AXL: variants seen among roughly 807,000 people sequenced by gnomAD.
AXL encodes the protein tyrosine-protein kinase receptor UFO.
A neutral mutation model predicts 104.5 loss-of-function variants in AXL; 52 were observed. The ratio of observed to expected loss-of-function variants is 0.50; its 90% CI spans 0.40 to 0.63. The LOEUF (loss-of-function observed/expected upper bound fraction) is 0.63. Among genes scored for constraint, AXL ranks in the 20% least tolerant of loss-of-function variants. The pLI, the probability that AXL is intolerant of heterozygous loss-of-function variation, is 0.00. For missense variants in AXL, 1,024 were observed against 1,188.5 expected (o/e 0.86, Z 2.04); for synonymous variants, 455 against 473.7 (o/e 0.96, Z 0.51).
intron 6 of AXL, among the ~76,000 whole-genome samples, chr19:41,233,503 C>T (rs1051047128): frequency 1.3e-5 from 2 of 151,614 alleles, no homozygotes; most frequent in African/African-American, 4.8e-5. Context: ...TGGTGGCACA[C>T]ACCTGTAGTC....
In AXL at chr19:41,238,619, G is replaced by T. The variant is rs374108324; in HGVS notation, c.1134+10G>T. The T allele has an allele frequency of 6.2e-6, 10 of 1,600,832 alleles. No individual in the cohort carries two copies. Among genetic ancestry groups the T allele is most frequent in the Non-Finnish European group, 8.5e-6 (10 of 1,170,764 alleles). ...CCAGGACACCCCAGAGGTGGGTGCTGCTGGTGGGATTGGAGTGGAGTGGCT... is the reference window on the plus strand; with the variant it reads ...CCAGGACACCCCAGAGGTGGGTGCTTCTGGTGGGATTGGAGTGGAGTGGCT... On this transcript the variant is annotated intron_variant, in intron 8 of 19. Transcript: ENST00000301178.
chr19:41,243,854 C>T (rs2034226539), intron 12 of AXL, 147 bp downstream of exon 12: 4 of 633,892 alleles, frequency 6.3e-6, no homozygotes, highest in Non-Finnish European at 1.1e-5. Context: ...CTAGAAATAA[C>T]AGATTTGTGG....
At chr19:41,249,071 G>A (rs749112906) in intron 14 of AXL, among the ~76,000 whole-genome samples, 3 of 152,202 alleles carry the variant, frequency 2.0e-5, no homozygotes, top group Middle Eastern at 3.4e-3. Flanking sequence ...CACTTCCCCC[G>A]CTAGGCCTGA....
Position 41,259,939 on chromosome 19 carries a change from C to A in AXL, c.*35C>A, listed in dbSNP as rs757019231. On this transcript the variant is annotated 3_prime_UTR_variant, in exon 20 of 20. Coordinates refer to ENST00000301178, the MANE Select transcript of AXL (RefSeq NM_021913.5). ...CCACCTGGTACTCCCTCTCAGGATC[C>A]AAGCTAAGCACTGCCACTGGGGAAA... The A allele has an allele frequency of 2.7e-6, 4 of 1,502,894 alleles. No individual in the cohort carries two copies. The East Asian group carries it at 6.9e-5, about 26-fold the overall frequency. 93.1% of individuals were successfully genotyped at this position (1,502,894 alleles called of 1,614,324 possible). A position where few individuals can be genotyped will look rare whatever the true frequency, so the allele number is the denominator to read the frequency against.
intron 12 of AXL, among the ~76,000 whole-genome samples, chr19:41,246,423 G>C (rs2034270748): frequency 6.6e-6 from 1 of 151,566 alleles, no homozygotes; most frequent in South Asian, 2.1e-4. Context: ...CTTCAGCCTG[G>C]GCAACAGAGT....
At chr19:41,249,436 C>T (rs1729996778) in intron 14 of AXL, among the ~76,000 whole-genome samples, 1 of 151,958 alleles carries the variant, frequency 6.6e-6, no homozygotes, top group Admixed American at 6.6e-5. Context: ...ATCTGGGTGA[C>T]AGAGTGAGAC....
In AXL at chr19:41,259,651, C is replaced by A. The variant is rs1568420141; in HGVS notation, c.2432C>A (p.Pro811His). 6.2e-7 allele frequency: 1 copy of A among 1,614,094 alleles called. No individual in the cohort carries two copies. Among genetic ancestry groups the A allele is most frequent in the Non-Finnish European group, 8.5e-7 (1 of 1,180,016 alleles). Reference protein sequence around the residue: ...EDLENTLKALPPAQEPDEILY... With the variant: ...EDLENTLKALHPAQEPDEILY... ...TTGGAGAACACACTGAAGGCCTTGC[C>A]TCCTGCCCAGGAGCCTGACGAAATC... Residue 811 changes from proline (P) to histidine (H), a missense_variant, in exon 20 of 20, where the codon CCT (proline) becomes CAT (histidine). Coordinates refer to ENST00000301178, the MANE Select transcript of AXL (RefSeq NM_021913.5).
rs76249126 is a variant in AXL, at chr19:41,231,505, C to T, written c.783+207C>T. 0.064 allele frequency among the ~76,000 whole-genome samples: 9,723 copies of T among 152,168 alleles called. 417 individuals carry two copies. The highest frequency in any genetic ancestry group is 0.12 in the South Asian group (562 of 4,820). On this transcript the variant is annotated intron_variant, in intron 6 of 19. Coordinates refer to ENST00000301178, the MANE Select transcript of AXL (RefSeq NM_021913.5). ...CCTTGGGTAGGTGGCTTAATCTGTC[C>T]GGGGCTCAGCTCTCTTGTCTACAAA...
At chr19:41,257,422 C>T in intron 18 of AXL, 71 bp from the exon 19 acceptor site, 1 of 1,589,278 alleles carries the variant, frequency 6.3e-7, no homozygotes, top group Non-Finnish European at 8.6e-7. Context: ...GTGGGTGTAC[C>T]CATGAACCTG....
Position 41,238,485 on chromosome 19 carries a change from CT to C in AXL, c.1011del (p.Glu338ArgfsTer28). On this transcript the variant is annotated frameshift_variant, in exon 8 of 20. Coordinates refer to ENST00000301178, the MANE Select transcript of AXL (RefSeq NM_021913.5). LOFTEE classifies it high-confidence loss of function. ...ETPEGVPLGP[P>X]ENISATRNGS... ...TGTCCTCCAGTGCCCCTGGGCCCCC[CT>C]GAGAACATTAGTGCTACGCGGAATG... is the stretch of plus-strand genomic sequence containing the variant. The C allele has an allele frequency of 1.9e-6, 3 of 1,612,832 alleles. No individual in the cohort carries two copies. Among genetic ancestry groups the C allele is most frequent in the Non-Finnish European group, 1.7e-6 (2 of 1,178,994 alleles).
chr19:41,259,523 A>C, intron 19 of AXL, 30 bp from the exon 20 acceptor site: 1 of 1,554,208 alleles, frequency 6.4e-7, no homozygotes, highest in Non-Finnish European at 8.7e-7. Flanking sequence ...GTCCCTGCTC[A>C]ATCTCCCACC....
rs761542438 is a variant in AXL at position 41,248,798 on chromosome 19, G to A, written c.1689G>A (p.Lys563=). The A allele has an allele frequency of 1.2e-6, 2 of 1,613,322 alleles. No individual in the cohort carries two copies. Among genetic ancestry groups the A allele is most frequent in the East Asian group, 2.2e-5 (1 of 44,870 alleles). Residue 563 remains lysine (K), a synonymous_variant, in exon 14 of 20, where the codon AAG becomes AAA. Transcript: ENST00000301178. ...TCAACCAGGACGACTCCATCCTCAA[G>A]GTGGCTGTGAAGACGATGAAGAGTG... ...GQLNQDDSIL[K]VAVKTMKIAI...
At chr19:41,254,698 C>T (rs2034426239) in intron 17 of AXL, among the ~76,000 whole-genome samples, 1 of 151,596 alleles carries the variant, frequency 6.6e-6, no homozygotes, top group East Asian at 1.9e-4. Context: ...GCAGGAGGAT[C>T]ACTTGTACCC....
chr19:41,240,960 A>G (rs1031815273), intron 10 of AXL, among the ~76,000 whole-genome samples: 1 of 151,922 alleles, frequency 6.6e-6, no homozygotes, highest in Admixed American at 6.6e-5. Context: ...TCAGCACATA[A>G]TGATCTTTAT....
Position 41,237,973 on chromosome 19 carries a change from C to T in AXL, c.813C>T (p.Ile271=). 1 of 1,613,778 alleles carries T rather than the reference C, an allele frequency of 6.2e-7. No homozygotes were observed. Among genetic ancestry groups the T allele is most frequent in the Non-Finnish European group, 8.5e-7 (1 of 1,179,916 alleles). Residue 271 remains isoleucine, a synonymous_variant, in exon 7 of 20, where the codon ATC becomes ATT. Transcript: ENST00000301178. ...TGCTGTCAGACGATGGGATGGGCATCCAGGCGGGAGAACCAGACCCCCCAG... is the reference window on the plus strand; with the variant it reads ...TGCTGTCAGACGATGGGATGGGCATTCAGGCGGGAGAACCAGACCCCCCAG... ...QAVLSDDGMG[I]QAGEPDPPEE...
At chr19:41,232,474 T>C (rs1833688938) in intron 6 of AXL, among the ~76,000 whole-genome samples, 1 of 151,698 alleles carries the variant, frequency 6.6e-6, no homozygotes, top group Non-Finnish European at 1.5e-5. Context: ...ATACAAAAAA[T>C]TAGCCGGGTG....
At chr19:41,246,784 G>T (rs2034278963) in intron 12 of AXL, among the ~76,000 whole-genome samples, 1 of 152,110 alleles carries the variant, frequency 6.6e-6, no homozygotes, top group Non-Finnish European at 1.5e-5. Flanking sequence ...CCAACTCCAG[G>T]CCTCAACTGG....
rs535968074 is a variant in AXL, at chr19:41,247,543, T to G, written c.1538-971T>G. ...AAGAAAATCCACTGAGTTGCTTACT[T>G]ATGATTTGTGCAGATTATACTTCAA... On this transcript the variant is annotated intron_variant, in intron 12 of 19. Transcript: ENST00000301178. 2.0e-5 allele frequency among the ~76,000 whole-genome samples: 3 copies of G among 152,272 alleles called. No individual in the cohort carries two copies. The East Asian group carries it at 5.8e-4, about 29-fold the overall frequency.
intron 8 of AXL, 34 bp from the exon 9 acceptor site, chr19:41,239,130 G>T (rs773452630): frequency 6.2e-7 from 1 of 1,610,980 alleles, no homozygotes; most frequent in Non-Finnish European, 8.5e-7. Flanking sequence ...TGGGGGGTAA[G>T]GTTCTACCCT....
Sources: gnomAD v4.1 joint callset for allele counts (sites outside exome capture counted in the v4.1 genomes callset) on GRCh38, gnomAD v4.1.1 for gene constraint, MANE v1.5 for transcripts, NCBI Gene and HGNC (gene_info 2026-07-23, HGNC 2026-07-21) for gene names.